OGDH: variants seen among roughly 807,000 people sequenced by gnomAD.
OGDH encodes the protein oxoglutarate dehydrogenase.
In OGDH, 38 loss-of-function variants were observed where a neutral mutation model predicts 116.6. The ratio of observed to expected loss-of-function variants is 0.33; its 90% CI spans 0.25 to 0.43. The LOEUF (loss-of-function observed/expected upper bound fraction) is 0.43, where lower values mean the gene tolerates loss of function less well. OGDH is among the 20% of genes least tolerant of loss of function. The probability of loss-of-function intolerance (pLI) is 1.00; values close to 1 mark genes in which losing one functional copy is unlikely to be tolerated. For missense variants in OGDH, 825 were observed against 1,357.2 expected, an observed-to-expected ratio of 0.61 and a Z score of 6.16; for synonymous variants, 488 against 533.3, an observed-to-expected ratio of 0.92 and a Z score of 1.17.
chr7:44,650,047 GA>G (rs1200496366), intron 4 of OGDH, among the ~76,000 whole-genome samples: 2 of 151,962 alleles, frequency 1.3e-5, no homozygotes, highest in Non-Finnish European at 2.9e-5. Flanking sequence ...GAGCCCTTTG[GA>G]ACCACTGAGA....
intron 4 of OGDH, among the ~76,000 whole-genome samples, chr7:44,662,700 A>T (rs752516103): frequency 7.2e-5 from 11 of 151,912 alleles, no homozygotes; most frequent in Admixed American, 5.9e-4. Flanking sequence ...TGACCTCATG[A>T]TCTGCCCCAC....
intron 7 of OGDH, chr7:44,674,766 AAGCCACATGTAGTTTC>A (rs1467918018): frequency 3.4e-6 from 2 of 596,286 alleles, no homozygotes; most frequent in Non-Finnish European, 5.9e-6. Flanking sequence ...GTCACCTCCA[AAGCCACATGTAGTTTC>A]AGACTGGCAT....
chr7:44,628,996 C>G (rs1299596420), intron 2 of OGDH, among the ~76,000 whole-genome samples: 1 of 152,170 alleles, frequency 6.6e-6, no homozygotes. Context: ...ATTTGTGCTC[C>G]TCACTGACCC....
intron 2 of OGDH, among the ~76,000 whole-genome samples, chr7:44,636,572 A>G (rs1236187170): frequency 1.3e-5 from 2 of 151,546 alleles, no homozygotes. Context: ...ATCTGAATTT[A>G]ATTCAGTAAA....
In OGDH at chr7:44,624,480, C is replaced by T. The variant is rs770758043; in HGVS notation, c.137C>T (p.Ala46Val). 11 of 1,613,862 alleles carry T rather than the reference C, an allele frequency of 6.8e-6. No individual in the cohort carries two copies. The highest frequency in any genetic ancestry group is 9.3e-6 in the Non-Finnish European group (11 of 1,179,996). ...CGGTGCTATTCTGCACCTGTTGCTG[C>T]TGAGCCCTTTCTCAGTGGGACTAGT... is the stretch of plus-strand genomic sequence containing the variant. ...QIRCYSAPVA[A>V]EPFLSGTSSN... Residue 46 changes from alanine (A) to valine (V), a missense_variant, in exon 2 of 23, where the codon GCT becomes GTT. By Grantham distance (64) the Ala-to-Val change is moderately conservative. This residue lies in a region of OGDH where 126 missense variants were observed against 130.4 expected (regional missense o/e 0.97). Transcript: ENST00000222673.
At chr7:44,627,025 C>T (rs1232390370) in intron 2 of OGDH, among the ~76,000 whole-genome samples, 1 of 152,120 alleles carries the variant, frequency 6.6e-6, no homozygotes, top group Admixed American at 6.5e-5. Context: ...GAGATGGAGT[C>T]TCACTCTGTC....
Position 44,697,417 on chromosome 7 carries a change from G to C in OGDH, c.2099G>C (p.Cys700Ser). The C allele has an allele frequency of 6.2e-7, 1 of 1,614,188 alleles. No individual in the cohort carries two copies. The highest frequency in any genetic ancestry group is 8.5e-7 in the Non-Finnish European group (1 of 1,180,034). The change falls in exon 16 of 23, where the codon TGC (cysteine) becomes TCC (serine). Residue 700 changes from cysteine to serine, a missense_variant. Physicochemically the swap from Cys to Ser is moderately radical, Grantham distance 112. Transcript: ENST00000222673. This position sits in a 1 kb window ranked among gnomAD's most constrained non-coding sequence, Gnocchi z 6.0. Reference sequence around the variant, plus strand: ...GACCAGAATGTGGACAAGAGAACCTGCATCCCCATGAACCATCTCTGGCCC... The same window carrying C: ...GACCAGAATGTGGACAAGAGAACCTCCATCCCCATGAACCATCTCTGGCCC... ...LHDQNVDKRT[C>S]IPMNHLWPNQ...
rs555010115 is a variant in OGDH at position 44,640,895 on chromosome 7, G to GT, written c.223-4419dup. On this transcript the variant is annotated intron_variant, in intron 2 of 22. Coordinates refer to ENST00000222673, the MANE Select transcript of OGDH (RefSeq NM_002541.4). ...AAAATTTTGATTAGGTTTTTTGTGG[G>GT]TTTTTTTTTTTTTCTTTGAGACAGA... Among the ~76,000 whole-genome samples, 1,318 of 143,260 alleles carry GT rather than the reference G, an allele frequency of 9.2e-3. 13 individuals carry two copies. The highest frequency in any genetic ancestry group is 0.028 in the African/African-American group (1,085 of 39,332). 94.0% of individuals were successfully genotyped at this position (143,260 alleles called of 152,430 possible).
At chr7:44,627,834 G>A (rs185251243) in intron 2 of OGDH, among the ~76,000 whole-genome samples, 169 of 152,038 alleles carry the variant, frequency 1.1e-3, no homozygotes, top group African/African-American at 4.0e-3. Context: ...GCGCCACCAC[G>A]CCTGGCTAAT....
intron 5 of OGDH, among the ~76,000 whole-genome samples, chr7:44,667,339 G>A (rs1787229516): frequency 6.6e-6 from 1 of 152,126 alleles, no homozygotes; most frequent in Non-Finnish European, 1.5e-5. Context: ...CATAGAGAGG[G>A]GAAGTAAATT....
intron 10 of OGDH, among the ~76,000 whole-genome samples, chr7:44,693,544 G>A (rs144522083): frequency 1.6e-3 from 239 of 152,138 alleles, no homozygotes; most frequent in Admixed American, 2.7e-3. Context: ...ATCTGGAAAG[G>A]AAAACATCAG....
intron 20 of OGDH, among the ~76,000 whole-genome samples, chr7:44,703,595 C>G (rs1433917795): frequency 6.6e-6 from 1 of 151,186 alleles, no homozygotes; most frequent in African/African-American, 2.4e-5. Flanking sequence ...TGGCGCGCAC[C>G]CGTAATCCCA....
intron 2 of OGDH, among the ~76,000 whole-genome samples, chr7:44,626,195 T>G (rs1045673116): frequency 6.7e-6 from 1 of 150,280 alleles, no homozygotes; most frequent in Admixed American, 6.7e-5. Flanking sequence ...TGTAAACAAA[T>G]TGCCCAGAAG....
At chr7:44,672,745 C>T (rs1787523808) in intron 5 of OGDH, among the ~76,000 whole-genome samples, 1 of 150,884 alleles carries the variant, frequency 6.6e-6, no homozygotes, top group Non-Finnish European at 1.5e-5. Flanking sequence ...TGGGTTCAAG[C>T]GATTCTCCTG....
intron 1 of OGDH, among the ~76,000 whole-genome samples, chr7:44,614,343 ATTTG>A (rs1201324107): frequency 7.1e-6 from 1 of 141,672 alleles, no homozygotes; most frequent in African/African-American, 2.6e-5. Flanking sequence ...AGTTTTCTGA[ATTTG>A]TTTATGATGT....
intron 2 of OGDH, among the ~76,000 whole-genome samples, chr7:44,642,057 G>A (rs1158709046): frequency 6.6e-6 from 1 of 152,222 alleles, no homozygotes; most frequent in East Asian, 1.9e-4. Flanking sequence ...GGAGGAAGGT[G>A]AGAATCTCTT....
rs1789189055 is a variant in OGDH at position 44,708,529 on chromosome 7, G to C, written c.*530G>C. The C allele has an allele frequency of 6.5e-6, 1 of 153,412 alleles. No homozygotes were observed. Among genetic ancestry groups the C allele is most frequent in the Non-Finnish European group, 1.4e-5 (1 of 68,984 alleles). The allele number at this position is 153,412 out of a possible 1,614,324, so 9.5% of individuals were successfully genotyped here. A position where few individuals can be genotyped will look rare whatever the true frequency, so the allele number is the denominator to read the frequency against. On this transcript the variant is annotated 3_prime_UTR_variant, in exon 23 of 23. Coordinates refer to ENST00000222673, the MANE Select transcript of OGDH (RefSeq NM_002541.4). ...CGTGAACTGAGGATGACCCGGGGCA[G>C]CTGGCAGGAGAGAGCCTTGGCCTGA...
rs766853916 is a variant in OGDH, at chr7:44,697,309, C to T, written c.2052-61C>T. ...CATCTGCTGGTGCTTCGTGCGGGTC[C>T]CCAGCGTATTTGCTTGTCAAGTCAG... On this transcript the variant is annotated intron_variant, in intron 15 of 22. Transcript: ENST00000222673. The surrounding 1 kb of genome is among the most constrained non-coding windows in gnomAD (Gnocchi z 6.0). 79 of 1,604,354 alleles carry T rather than the reference C, an allele frequency of 4.9e-5. No homozygotes were observed. Among genetic ancestry groups the T allele is most frequent in the Non-Finnish European group, 6.2e-5 (73 of 1,173,312 alleles).
chr7:44,700,582 G>T (rs1276692842), intron 19 of OGDH, among the ~76,000 whole-genome samples: 2 of 152,230 alleles, frequency 1.3e-5, no homozygotes, highest in Non-Finnish European at 2.9e-5. Flanking sequence ...GTCATAGGGG[G>T]TGTGCTGAGC....
Sources: allele counts gnomAD v4.1 joint callset (sites outside exome capture counted in the v4.1 genomes callset), GRCh38; gene constraint gnomAD v4.1.1; regional missense constraint gnomAD v4.1.1; non-coding constraint Gnocchi (gnomAD v3.1); transcripts MANE v1.5; gene names NCBI Gene and HGNC (gene_info 2026-07-23, HGNC 2026-07-21).